Variants in NIN observed in about 807,000 individuals in gnomAD.
NIN encodes the protein glycogen synthase kinase 3 beta-interacting protein.
A neutral mutation model predicts 257.6 loss-of-function variants in NIN; 137 were observed. The observed-to-expected ratio is 0.53, with a 90% CI of 0.46 to 0.61. The LOEUF is 0.61. Ranked by LOEUF, NIN falls within the 20% of genes least tolerant of loss-of-function variation. The pLI is 0.00. For missense variants in NIN, 2,439 were observed against 2,501.2 expected (o/e 0.98, Z 0.53); for synonymous variants, 918 against 919.8 (o/e 1.00, Z 0.04).
chr14:50,727,524 G>T, intron 29 of NIN: 5 of 1,227,370 alleles, frequency 4.1e-6, no homozygotes, highest in Non-Finnish European at 5.2e-6. Flanking sequence ...ATAAATAAGA[G>T]ACATAATACT....
chr14:50,741,544 T>A (rs1483254706), intron 25 of NIN, 38 bp downstream of exon 25: 1 of 1,593,420 alleles, frequency 6.3e-7, no homozygotes, highest in Non-Finnish European at 8.6e-7. Context: ...TACTTTACTG[T>A]AAATAACTTA....
chr14:50,763,943 C>A lies in NIN; in HGVS notation c.1657G>T (p.Glu553Ter). 6.2e-7 allele frequency: 1 copy of A among 1,614,070 alleles called. No homozygotes were observed. The highest frequency in any genetic ancestry group is 8.5e-7 in the Non-Finnish European group (1 of 1,179,946). Residue 553 changes from glutamate to a stop codon, truncating the protein, a stop_gained, in exon 15 of 31, where the codon GAA (glutamate) becomes TAA (stop). Transcript: ENST00000530997. LOFTEE classifies it high-confidence loss of function. ...QCRVLQDQVD[E>*]LQSELEEYRA... ...TATTCTTCCAGCTCAGACTGGAGTT[C>A]ATCTACTTGGTCTTGTAGTACCTGG...
At chr14:50,767,310 T>C (rs1204713030) in intron 12 of NIN, among the ~76,000 whole-genome samples, 1 of 152,242 alleles carries the variant, frequency 6.6e-6, no homozygotes, top group East Asian at 1.9e-4. Context: ...ACAAGATTAT[T>C]TGAAATTAGT....
rs563126648 is a variant in NIN at position 50,753,814 on chromosome 14, TA to T, written c.4734+748del. On this transcript the variant is annotated intron_variant, in intron 20 of 30. Coordinates refer to ENST00000530997, the MANE Select transcript of NIN (RefSeq NM_020921.4). ...TTTACTTCTTGCTAATTCAATAGGT[TA>T]AAAAAAAGACGCTTATTGAATTTGC... 1.3e-4 allele frequency among the ~76,000 whole-genome samples: 20 copies of T among 151,972 alleles called. No homozygotes were observed. In the South Asian group the frequency reaches 1.5e-3, roughly 11 times the overall value.
intron 4 of NIN, among the ~76,000 whole-genome samples, chr14:50,800,521 C>T (rs2044051391): frequency 6.6e-6 from 1 of 152,188 alleles, no homozygotes; most frequent in Admixed American, 6.5e-5. Context: ...CTTTAAATGA[C>T]TAACCTTATA....
At chr14:50,826,311 T>C (rs1296156664) in intron 2 of NIN, among the ~76,000 whole-genome samples, 1 of 152,242 alleles carries the variant, frequency 6.6e-6, no homozygotes, top group Non-Finnish European at 1.5e-5. Flanking sequence ...TTTATGACTC[T>C]TTCGGAATGA....
chr14:50,756,859 T>C lies in NIN; in HGVS notation c.4171A>G (p.Asn1391Asp). 4 of 1,552,254 alleles carry C rather than the reference T, an allele frequency of 2.6e-6. No individual in the cohort carries two copies. Among genetic ancestry groups the C allele is most frequent in the Non-Finnish European group, 3.5e-6 (4 of 1,147,122 alleles). The change falls in exon 18 of 31, where the codon AAC becomes GAC. Residue 1391 changes from asparagine to aspartate, a missense_variant. Transcript: ENST00000530997. Reference sequence around the variant, plus strand: ...TGTGTGTTCCCCTCAAGGTACTGGTTTTCTTGCTTACATTCCTCTATGACA... The same window carrying C: ...TGTGTGTTCCCCTCAAGGTACTGGTCTTCTTGCTTACATTCCTCTATGACA... Reference protein sequence around the residue: ...HHVIEECKQENQYLEGNTQLL... With the variant: ...HHVIEECKQEDQYLEGNTQLL...
At chr14:50,755,068 A>G (rs1279370319) in intron 18 of NIN, among the ~76,000 whole-genome samples, 1 of 152,258 alleles carries the variant, frequency 6.6e-6, no homozygotes, top group Non-Finnish European at 1.5e-5. Context: ...TCACTAAAAG[A>G]TGTTAGAGAA....
rs1566824683 is a variant in NIN, at chr14:50,766,763, G to C, written c.1545+17C>G. On this transcript the variant is annotated intron_variant, in intron 13 of 30. Transcript: ENST00000530997. ...AAGTAGGCTGCCTATCAGGAAATGA[G>C]ATTTGAACAGGTTTACCTTTTCTGC... 15 of 1,546,430 alleles carry C rather than the reference G, an allele frequency of 9.7e-6. No homozygotes were observed. The highest frequency in any genetic ancestry group is 1.3e-5 in the Non-Finnish European group (14 of 1,118,946).
chr14:50,764,020 A>G (rs1156395546), intron 14 of NIN, 56 bp from the exon 15 acceptor site: 3 of 1,468,566 alleles, frequency 2.0e-6, no homozygotes, highest in Non-Finnish European at 2.8e-6. Flanking sequence ...CATAAGCAAC[A>G]ACAACAACAA....
At chr14:50,802,235 A>G (rs1460653993) in intron 4 of NIN, among the ~76,000 whole-genome samples, 2 of 152,144 alleles carry the variant, frequency 1.3e-5, no homozygotes, top group African/African-American at 2.4e-5. Context: ...CTACATCCCA[A>G]TCCATTTTTC....
intron 4 of NIN, among the ~76,000 whole-genome samples, chr14:50,805,143 GA>G (rs1191410920): frequency 2.0e-5 from 3 of 152,174 alleles, no homozygotes; most frequent in African/African-American, 2.4e-5. Flanking sequence ...TCAGCACACA[GA>G]ACCCTGAAGT....
chr14:50,729,345 C>A (rs550005869), intron 29 of NIN, among the ~76,000 whole-genome samples, 178 bp downstream of exon 29: 1 of 151,950 alleles, frequency 6.6e-6, no homozygotes, highest in Non-Finnish European at 1.5e-5. Context: ...TCGTAGCTCA[C>A]TGCAGCCTTG....
At position 50,827,544 on chromosome 14, in the gene NIN, G is replaced by A. The variant is rs190296157; in HGVS notation, c.-22+2920C>T. 6.4e-4 allele frequency among the ~76,000 whole-genome samples: 96 copies of A among 151,042 alleles called. 1 individual carries two copies. The Middle Eastern group carries it at 0.01, about 16-fold the overall frequency. ...AGGTGGATCACAAGGTCAGGAGATC[G>A]GGGCCATCCTGGCTAACACGTTGAA... On this transcript the variant is annotated intron_variant, in intron 2 of 30. Coordinates refer to ENST00000530997, the MANE Select transcript of NIN (RefSeq NM_020921.4).
chr14:50,743,675 T>A (rs527523958), intron 23 of NIN, 146 bp from the exon 24 acceptor site: 77 of 558,594 alleles, frequency 1.4e-4, no homozygotes, highest in Non-Finnish European at 2.3e-4. Context: ...ATGGTCTTCC[T>A]GGCTCCAAAT....
intron 29 of NIN, among the ~76,000 whole-genome samples, chr14:50,728,296 C>A (rs764131764): frequency 6.6e-6 from 1 of 152,092 alleles, no homozygotes; most frequent in Non-Finnish European, 1.5e-5. Context: ...TCTACCATCA[C>A]AATTTAAGAA....
chr14:50,817,306 C>A (rs189757247), intron 3 of NIN, among the ~76,000 whole-genome samples: 19 of 152,212 alleles, frequency 1.2e-4, no homozygotes, highest in Non-Finnish European at 2.6e-4. Context: ...ATAAGCACTA[C>A]AAGAAAGTAC....
At chr14:50,734,475 C>A (rs1023786829) in intron 28 of NIN, among the ~76,000 whole-genome samples, 1 of 152,192 alleles carries the variant, frequency 6.6e-6, no homozygotes, top group Non-Finnish European at 1.5e-5. Flanking sequence ...TCTACAGGTT[C>A]TTCTCTGCCT....
chr14:50,817,406 CA>C lies in NIN; in HGVS notation c.183+4467del, dbSNP rs541352825. 1.1e-4 allele frequency among the ~76,000 whole-genome samples: 17 copies of C among 152,156 alleles called. No individual in the cohort carries two copies. In the East Asian group the frequency reaches 2.5e-3, roughly 22 times the overall value. ...GCTTTTGAGTTGGAAACAAATCCAC[CA>C]CATGAAATTTATCAAGAAATTTAGA... On this transcript the variant is annotated intron_variant, in intron 3 of 30. Coordinates refer to ENST00000530997, the MANE Select transcript of NIN (RefSeq NM_020921.4).
Sources: allele counts gnomAD v4.1 joint callset (sites outside exome capture counted in the v4.1 genomes callset), GRCh38; gene constraint gnomAD v4.1.1; transcripts MANE v1.5; gene names NCBI Gene and HGNC (gene_info 2026-07-23, HGNC 2026-07-21).